The following RASGEF1C variants were observed in gnomAD, a reference collection of about 807,000 sequenced individuals.
RASGEF1C encodes ras-GEF domain-containing family member 1C.
Under a neutral mutation model 58.1 loss-of-function variants are expected in RASGEF1C, and 27 were observed. That is an observed-to-expected ratio of 0.46 (90% CI 0.34 to 0.64). The LOEUF (loss-of-function observed/expected upper bound fraction) is 0.64. RASGEF1C is among the 30% of genes least tolerant of loss of function. RASGEF1C has a pLI of 0.01. For synonymous variants in RASGEF1C, 243 were observed against 246.3 expected (o/e 0.99, Z 0.13); for missense variants, 502 against 605.1 (o/e 0.83, Z 1.79).
chr5:180,144,852 T>G (rs977437871), intron 1 of RASGEF1C, among the ~76,000 whole-genome samples: 2 of 152,280 alleles, frequency 1.3e-5, no homozygotes, highest in East Asian at 3.9e-4. Context: ...CAGTTCTACA[T>G]TCTATGTATT....
At chr5:180,121,987 C>T (rs926717416) in intron 6 of RASGEF1C, among the ~76,000 whole-genome samples, 10 of 152,156 alleles carry the variant, frequency 6.6e-5, no homozygotes, top group African/African-American at 2.4e-4. Context: ...TATTCCCATG[C>T]GCACAAAGGC....
intron 12 of RASGEF1C, among the ~76,000 whole-genome samples, chr5:180,103,221 G>A (rs1765821882): frequency 6.6e-6 from 1 of 152,108 alleles, no homozygotes; most frequent in Non-Finnish European, 1.5e-5. Flanking sequence ...GGGACTACAG[G>A]TACCCACCAC....
At chr5:180,208,608 G>A (rs993136656) in intron 1 of RASGEF1C, among the ~76,000 whole-genome samples, 1 of 152,132 alleles carries the variant, frequency 6.6e-6, no homozygotes, top group South Asian at 2.1e-4. Flanking sequence ...CAGGCGCAAG[G>A]CCCTTTCCCT....
rs542760969 is a variant in RASGEF1C, at chr5:180,168,368, G to A, written c.-6-30310C>T. 6.6e-5 allele frequency among the ~76,000 whole-genome samples: 10 copies of A among 152,202 alleles called. No individual in the cohort carries two copies. The highest frequency in any genetic ancestry group is 2.0e-4 in the Admixed American group (3 of 15,278). On this transcript the variant is annotated intron_variant, in intron 1 of 13. Coordinates refer to ENST00000361132, the MANE Select transcript of RASGEF1C (RefSeq NM_175062.4). This position sits in a 1 kb window ranked among gnomAD's most constrained non-coding sequence, Gnocchi z 6.0. Reference sequence around the variant, plus strand: ...GAATTGCTTGAACCCGGGAGGTGGCGGTTGCCATGAGCCGAGATGGCGCCA... The same window carrying A: ...GAATTGCTTGAACCCGGGAGGTGGCAGTTGCCATGAGCCGAGATGGCGCCA...
intron 1 of RASGEF1C, among the ~76,000 whole-genome samples, chr5:180,157,165 AT>A (rs1766865311): frequency 6.6e-6 from 1 of 152,254 alleles, no homozygotes. Flanking sequence ...ATTTCTTGGT[AT>A]TTACCCAAAA....
At chr5:180,117,149 C>T (rs1022417158) in intron 10 of RASGEF1C, among the ~76,000 whole-genome samples, 1 of 152,202 alleles carries the variant, frequency 6.6e-6, no homozygotes, top group African/African-American at 2.4e-5. Flanking sequence ...TTTGAGGTCT[C>T]GCATCCCTGG....
intron 1 of RASGEF1C, among the ~76,000 whole-genome samples, chr5:180,201,611 A>T (rs1373421921): frequency 1.3e-5 from 2 of 152,216 alleles, no homozygotes; most frequent in Non-Finnish European, 2.9e-5. Flanking sequence ...CCAATTTACA[A>T]AGGGAAAAAC....
At chr5:180,129,118 G>A (rs1023794186) in intron 4 of RASGEF1C, among the ~76,000 whole-genome samples, 2 of 152,214 alleles carry the variant, frequency 1.3e-5, no homozygotes, top group Non-Finnish European at 2.9e-5. Context: ...CAGTGGAAGG[G>A]CCAGGGCCCA....
chr5:180,145,006 T>G (rs572294288), intron 1 of RASGEF1C, among the ~76,000 whole-genome samples: 1 of 152,352 alleles, frequency 6.6e-6, no homozygotes, highest in African/African-American at 2.4e-5. Flanking sequence ...TGAATACTGT[T>G]CCACTGCATG....
intron 1 of RASGEF1C, among the ~76,000 whole-genome samples, chr5:180,149,349 G>A (rs970590663): frequency 6.6e-6 from 1 of 151,166 alleles, no homozygotes; most frequent in Non-Finnish European, 1.5e-5. Flanking sequence ...GCCTCCCAAA[G>A]TGCTGGGATT....
intron 1 of RASGEF1C, among the ~76,000 whole-genome samples, chr5:180,202,086 T>TG (rs1292860988): frequency 5.3e-5 from 8 of 152,008 alleles, no homozygotes; most frequent in African/African-American, 1.9e-4. Flanking sequence ...TAGAGTTGCC[T>TG]GAACTCATGA....
chr5:180,145,059 G>A (rs1467617488), intron 1 of RASGEF1C, among the ~76,000 whole-genome samples: 1 of 152,226 alleles, frequency 6.6e-6, no homozygotes, highest in Non-Finnish European at 1.5e-5. Flanking sequence ...TCAGTGGGCA[G>A]TGGGGGTTGT....
chr5:180,128,105 C>T (rs1473601549), intron 5 of RASGEF1C, among the ~76,000 whole-genome samples: 1 of 152,230 alleles, frequency 6.6e-6, no homozygotes, highest in Non-Finnish European at 1.5e-5. Context: ...CCTCTGTGTA[C>T]AGGGCCTGCC....
At chr5:180,131,788 G>A (rs1026875149) in intron 4 of RASGEF1C, among the ~76,000 whole-genome samples, 1 of 152,214 alleles carries the variant, frequency 6.6e-6, no homozygotes, top group African/African-American at 2.4e-5. Context: ...ATAGGGCCAC[G>A]AGATTGCCTT....
chr5:180,170,351 G>A (rs1433764638), intron 1 of RASGEF1C, among the ~76,000 whole-genome samples: 1 of 152,238 alleles, frequency 6.6e-6, no homozygotes, highest in Non-Finnish European at 1.5e-5. Context: ...GGCCTGTTCT[G>A]TGAGGGAGAA....
chr5:180,115,986 G>A (rs1167043854), intron 10 of RASGEF1C, among the ~76,000 whole-genome samples: 3 of 152,136 alleles, frequency 2.0e-5, no homozygotes, highest in Non-Finnish European at 2.9e-5. Context: ...CACCAAGACA[G>A]GGAGGGGGTT....
At position 180,114,473 on chromosome 5, in the gene RASGEF1C, G is replaced by A; in HGVS notation, c.1152C>T (p.Arg384=). ...IYFLNEGCAN[R]LPNGHVNFEK... ...CAAAGTTGACGTGTCCATTGGGAAGGCGGTTGGCGCAGCCCTCATTCAGGA... is the reference window on the plus strand; with the variant it reads ...CAAAGTTGACGTGTCCATTGGGAAGACGGTTGGCGCAGCCCTCATTCAGGA... The change falls in exon 11 of 14, where the codon CGC becomes CGT. Residue 384 remains arginine (R), a synonymous_variant. Transcript: ENST00000361132. 6.2e-7 allele frequency: 1 copy of A among 1,613,116 alleles called. No homozygotes were observed. The highest frequency in any genetic ancestry group is 1.1e-5 in the South Asian group (1 of 91,014).
rs924078582 is a variant in RASGEF1C, at chr5:180,197,020, G to A, written c.-7+12008C>T. ...GAATGTGGAGCTGGGTGTGCTGCCC[G>A]AGGCTGGCGTCGGTGAGGCTCCCCT... On this transcript the variant is annotated intron_variant, in intron 1 of 13. Transcript: ENST00000361132. This position sits in a 1 kb window ranked among gnomAD's most constrained non-coding sequence, Gnocchi z 4.7. 6.6e-6 allele frequency among the ~76,000 whole-genome samples: 1 copy of A among 152,218 alleles called. No homozygotes were observed. Among genetic ancestry groups the A allele is most frequent in the African/African-American group, 2.4e-5 (1 of 41,450 alleles).
chr5:180,110,436 C>G (rs1765940412), intron 12 of RASGEF1C, among the ~76,000 whole-genome samples: 1 of 139,382 alleles, frequency 7.2e-6, no homozygotes. Context: ...CCCACTGAGC[C>G]TAAGTGTGGG....
Sources: gnomAD v4.1 joint callset for allele counts (sites outside exome capture counted in the v4.1 genomes callset) on GRCh38, gnomAD v4.1.1 for gene constraint, Gnocchi (gnomAD v3.1) non-coding constraint, MANE v1.5 for transcripts, NCBI Gene and HGNC (gene_info 2026-07-23, HGNC 2026-07-21) for gene names.